The following HSPG2 variants were observed in gnomAD, a reference collection of about 807,000 sequenced individuals.
HSPG2 encodes the protein heparan sulfate proteoglycan 2, also known as basement membrane-specific heparan sulfate proteoglycan core protein.
In HSPG2, 278 loss-of-function variants were observed where a neutral mutation model predicts 526.6. That is an observed-to-expected ratio of 0.53 (90% CI 0.48 to 0.58). The LOEUF is 0.58. Among genes scored for constraint, HSPG2 ranks in the 20% least tolerant of loss-of-function variants. The probability of loss-of-function intolerance (pLI) is 0.00; values close to 1 mark genes in which losing one functional copy is unlikely to be tolerated. For missense variants in HSPG2, 5,354 were observed against 6,099.5 expected (o/e 0.88, Z 4.07); for synonymous variants, 2,465 against 2,555.4 (o/e 0.96, Z 1.07).
Position 21,833,460 on chromosome 1 carries a change from G to A in HSPG2, c.10978+7C>T. The A allele has an allele frequency of 6.2e-7, 1 of 1,614,196 alleles. No individual in the cohort carries two copies. Among genetic ancestry groups the A allele is most frequent in the Non-Finnish European group, 8.5e-7 (1 of 1,180,024 alleles). On this transcript the variant is annotated splice_region_variant and intron_variant, in intron 79 of 96. Transcript: ENST00000374695. Reference sequence around the variant, plus strand: ...GGCACTGCCAATTCTTAGGGGTGGTGTCTTACCTGGCACCTGCAGGTGGGC... The same window carrying A: ...GGCACTGCCAATTCTTAGGGGTGGTATCTTACCTGGCACCTGCAGGTGGGC...
intron 6 of HSPG2, 41 bp downstream of exon 6, chr1:21,889,940 G>A (rs566709688): frequency 6.8e-6 from 11 of 1,611,444 alleles, no homozygotes; most frequent in East Asian, 2.2e-5. Flanking sequence ...GGGACCCCAC[G>A]AGTCTGGAGG....
chr1:21,857,066 C>T lies in HSPG2; in HGVS notation c.5524G>A (p.Gly1842Ser), dbSNP rs1236885571. 9.3e-6 allele frequency: 15 copies of T among 1,614,012 alleles called. No homozygotes were observed. Among genetic ancestry groups the T allele is most frequent in the East Asian group, 4.5e-5 (2 of 44,888 alleles). Residue 1842 changes from glycine to serine, a missense_variant, in exon 44 of 97, where the codon GGC becomes AGC. Transcript: ENST00000374695. The stretch of plus-strand genomic sequence containing the variant: ...TGGTCCATGGCAAACATGTTGGAGC[C>T]GGTGCACACGTAGGTGCCTGCATCA... ...LSDAGTYVCTGSNMFAMDQGT... is the reference protein window; with the variant it reads ...LSDAGTYVCTSSNMFAMDQGT...
At chr1:21,873,845 TGGGA>T (rs1640843928) in intron 29 of HSPG2, 76 bp downstream of exon 29, 1 of 1,231,426 alleles carries the variant, frequency 8.1e-7, no homozygotes. Flanking sequence ...TCCTCTGGGT[TGGGA>T]GCGCTGGGCC....
chr1:21,834,967 G>T, intron 76 of HSPG2, 22 bp from the exon 77 acceptor site: 1 of 1,608,348 alleles, frequency 6.2e-7, no homozygotes. Context: ...GGAGGCAGAG[G>T]TCCAGTGAGA....
At chr1:21,870,358 C>G (rs1640550493) in intron 33 of HSPG2, 1 of 935,842 alleles carries the variant, frequency 1.1e-6, no homozygotes, top group Non-Finnish European at 1.3e-6. Flanking sequence ...CTCCCAAAGT[C>G]CTGGAGCTAG....
chr1:21,922,350 C>T lies in HSPG2; in HGVS notation c.63+14805G>A, dbSNP rs189896804. 4.3e-4 allele frequency among the ~76,000 whole-genome samples: 65 copies of T among 152,312 alleles called. 1 individual carries two copies. The highest frequency in any genetic ancestry group is 3.7e-3 in the Admixed American group (57 of 15,294). On this transcript the variant is annotated intron_variant, in intron 1 of 96. Coordinates refer to ENST00000374695, the MANE Select transcript of HSPG2 (RefSeq NM_005529.7). Reference sequence around the variant, plus strand: ...GTGCAACCTGCAGAATGAAACGGTGCGGAATTGATGGACGGGAGCTAACAG... The same window carrying T: ...GTGCAACCTGCAGAATGAAACGGTGTGGAATTGATGGACGGGAGCTAACAG...
In HSPG2 at chr1:21,904,131, G is replaced by A. The variant is rs34968097; in HGVS notation, c.64-7821C>T. On this transcript the variant is annotated intron_variant, in intron 1 of 96. Transcript: ENST00000374695. The surrounding 1 kb of genome is among the most constrained non-coding windows in gnomAD (Gnocchi z 4.4). ...TGGGGGACACAGGCCACGGAACCAC[G>A]TGCTGGCAACACCGTGCGAAGAGAG... 4.8e-4 allele frequency among the ~76,000 whole-genome samples: 73 copies of A among 152,322 alleles called. No individual in the cohort carries two copies. The highest frequency in any genetic ancestry group is 8.2e-4 in the Non-Finnish European group (56 of 68,040).
rs367987436 is a variant in HSPG2, at chr1:21,848,351, C to A, written c.7738-258G>T. On this transcript the variant is annotated intron_variant, in intron 59 of 96. Coordinates refer to ENST00000374695, the MANE Select transcript of HSPG2 (RefSeq NM_005529.7). The surrounding 1 kb of genome is among the most constrained non-coding windows in gnomAD (Gnocchi z 4.9). The stretch of plus-strand genomic sequence containing the variant: ...ATCCTGCTGGGGCTCCCACAGCCTG[C>A]GAGCTGCCTGAGAGCAGGCAACTGT... Among the ~76,000 whole-genome samples, 8 of 152,260 alleles carry A rather than the reference C, an allele frequency of 5.3e-5. No homozygotes were observed. Among genetic ancestry groups the A allele is most frequent in the East Asian group, 1.9e-4 (1 of 5,162 alleles).
chr1:21,908,602 AG>A, intron 1 of HSPG2: 1 of 662,830 alleles, frequency 1.5e-6, no homozygotes, highest in South Asian at 1.7e-5. Flanking sequence ...AAAAAAAAAA[AG>A]ACCTCTGGGC....
chr1:21,931,613 AG>A (rs1241921866), intron 1 of HSPG2, among the ~76,000 whole-genome samples: 2 of 151,982 alleles, frequency 1.3e-5, no homozygotes, highest in Non-Finnish European at 2.9e-5. Flanking sequence ...GGTGAAGGGG[AG>A]GGGGGCAACA....
chr1:21,930,002 T>C (rs1644307609), intron 1 of HSPG2, among the ~76,000 whole-genome samples: 1 of 152,150 alleles, frequency 6.6e-6, no homozygotes, highest in Non-Finnish European at 1.5e-5. Flanking sequence ...CTTCAGTGAC[T>C]TCTCAATTCA....
intron 64 of HSPG2, 66 bp downstream of exon 64, chr1:21,846,042 C>T (rs1638404270): frequency 6.3e-7 from 1 of 1,578,086 alleles, no homozygotes; most frequent in South Asian, 1.1e-5. Context: ...TCTGCCAGTT[C>T]TGCCCCCTGG....
chr1:21,931,106 G>A (rs187259190), intron 1 of HSPG2, among the ~76,000 whole-genome samples: 1 of 152,190 alleles, frequency 6.6e-6, no homozygotes, highest in Non-Finnish European at 1.5e-5. Flanking sequence ...GAGTGGTTCT[G>A]GGGGCAGCAA....
At chr1:21,830,114 A>C (rs1412742430) in intron 85 of HSPG2, 23 bp from the exon 86 acceptor site, 1 of 1,558,766 alleles carries the variant, frequency 6.4e-7, no homozygotes, top group Non-Finnish European at 8.7e-7. Context: ...TAGGCCAGTG[A>C]AAAGACACGG....
intron 57 of HSPG2, 80 bp downstream of exon 57, chr1:21,849,961 A>C (rs1638757363): frequency 6.4e-7 from 1 of 1,568,390 alleles, no homozygotes; most frequent in African/African-American, 1.3e-5. Flanking sequence ...TACAGGCGTG[A>C]GCCACTGCGC....
chr1:21,839,755 G>A lies in HSPG2; in HGVS notation c.9709+67C>T, dbSNP rs2098041288. On this transcript the variant is annotated intron_variant, in intron 72 of 96. Transcript: ENST00000374695. The surrounding 1 kb of genome is among the most constrained non-coding windows in gnomAD (Gnocchi z 4.5). ...GCATGACATCATCTCTAGATCACAT[G>A]TGTCTACATTTCAGACCCCAGGGCA... is the stretch of plus-strand genomic sequence containing the variant. 2 of 1,539,188 alleles carry A rather than the reference G, an allele frequency of 1.3e-6. No homozygotes were observed.
rs2152714403 is a variant in HSPG2, at chr1:21,848,393, T to C, written c.7737+250A>G. 6.6e-6 allele frequency among the ~76,000 whole-genome samples: 1 copy of C among 152,250 alleles called. No homozygotes were observed. The highest frequency in any genetic ancestry group is 1.9e-4 in the East Asian group (1 of 5,174). On this transcript the variant is annotated intron_variant, in intron 59 of 96. Coordinates refer to ENST00000374695, the MANE Select transcript of HSPG2 (RefSeq NM_005529.7). The surrounding 1 kb of genome is among the most constrained non-coding windows in gnomAD (Gnocchi z 4.9). ...GGCAACTGTCTCATTCCATCTGGAA[T>C]CTTCAGTGTCAGGCACAGGACATGG...
At chr1:21,830,690 CAA>C (rs145627267) in intron 85 of HSPG2, 4,020 of 108,832 alleles carry the variant, frequency 0.037, no homozygotes, top group Middle Eastern at 0.073. Context: ...AACTTCGTCT[CAA>C]AAAAAAAAAA....
rs2098057596 is a variant in HSPG2, at chr1:21,843,410, T to C, written c.8645A>G (p.Gln2882Arg). 6.2e-7 allele frequency: 1 copy of C among 1,613,590 alleles called. No homozygotes were observed. Among genetic ancestry groups the C allele is most frequent in the Admixed American group, 1.7e-5 (1 of 59,950 alleles). Residue 2882 changes from glutamine (Q) to arginine (R), a missense_variant, in exon 66 of 97, where the codon CAG (glutamine) becomes CGG (arginine). Transcript: ENST00000374695. The stretch of plus-strand genomic sequence containing the variant: ...CTCGCCAGAGTCAGCCGGGGACACC[T>C]GGTTCAGCCTCAGCAGTGGGCCGTG... ...QVHGPLLRLNQVSPADSGEYS... is the reference protein window; with the variant it reads ...QVHGPLLRLNRVSPADSGEYS...
Sources: allele counts gnomAD v4.1 joint callset (sites outside exome capture counted in the v4.1 genomes callset), GRCh38; gene constraint gnomAD v4.1.1; non-coding constraint Gnocchi (gnomAD v3.1); transcripts MANE v1.5; gene names NCBI Gene and HGNC (gene_info 2026-07-23, HGNC 2026-07-21).